The following CRTAC1 variants were observed in gnomAD, a reference collection of about 807,000 sequenced individuals.
CRTAC1 encodes the protein cartilage acidic protein 1.
In CRTAC1, 37 loss-of-function variants were observed where a neutral mutation model predicts 67.8. The observed-to-expected ratio is 0.55, with a 90% CI of 0.42 to 0.72. CRTAC1 has a LOEUF of 0.72. CRTAC1 is among the 30% of genes least tolerant of loss of function. The pLI is 0.00. For synonymous variants in CRTAC1, 348 were observed against 371.0 expected (o/e 0.94, Z 0.71); for missense variants, 780 against 931.6 (o/e 0.84, Z 2.12).
intron 1 of CRTAC1, 29 bp from the exon 2 acceptor site, chr10:98,011,366 A>G (rs766229232): frequency 1.9e-6 from 3 of 1,612,100 alleles, no homozygotes; most frequent in South Asian, 2.2e-5. Context: ...AATGTTACCG[A>G]AAGAACCTGT....
intron 11 of CRTAC1, among the ~76,000 whole-genome samples, chr10:97,887,137 AGACT>A (rs2050297847): frequency 1.3e-5 from 2 of 152,218 alleles, no homozygotes; most frequent in South Asian, 4.1e-4. Flanking sequence ...TGTGTTTTCC[AGACT>A]GACTGAAGGG....
At chr10:97,926,395 G>T (rs541167985) in intron 3 of CRTAC1, among the ~76,000 whole-genome samples, 4 of 152,176 alleles carry the variant, frequency 2.6e-5, no homozygotes, top group African/African-American at 9.7e-5. Context: ...GGAATTACAC[G>T]AGAAATGCAC....
At chr10:97,979,432 G>C (rs950168584) in intron 2 of CRTAC1, among the ~76,000 whole-genome samples, 1 of 152,224 alleles carries the variant, frequency 6.6e-6, no homozygotes, top group Non-Finnish European at 1.5e-5. Context: ...CACCTTAAGG[G>C]CATCAGGCTT....
Position 97,957,030 on chromosome 10 carries a change from G to A in CRTAC1, c.225-20664C>T, listed in dbSNP as rs1013117534. On this transcript the variant is annotated intron_variant, in intron 2 of 14. Coordinates refer to ENST00000370597, the MANE Select transcript of CRTAC1 (RefSeq NM_018058.7). ...ATGGTCTCACTGTATTCCCCAGGCT[G>A]GCCTTGAGCTCCTGGGCTCAGTGAT... Among the ~76,000 whole-genome samples, 8 of 150,650 alleles carry A rather than the reference G, an allele frequency of 5.3e-5. 1 individual carries two copies. The highest frequency in any genetic ancestry group is 1.3e-4 in the Admixed American group (2 of 15,146).
chr10:97,924,749 C>A (rs2050889271), intron 3 of CRTAC1, among the ~76,000 whole-genome samples: 4 of 152,196 alleles, frequency 2.6e-5, no homozygotes, highest in Non-Finnish European at 1.5e-5. Flanking sequence ...AATGATTTTT[C>A]TCATGTTATA....
intron 2 of CRTAC1, among the ~76,000 whole-genome samples, chr10:98,006,219 G>GTGTTTAGA (rs1842786660): frequency 6.6e-6 from 1 of 152,214 alleles, no homozygotes; most frequent in African/African-American, 2.4e-5. Flanking sequence ...TGTAGATTGG[G>GTGTTTAGA]TGTTTAGTTC....
intron 14 of CRTAC1, among the ~76,000 whole-genome samples, chr10:97,873,632 A>G (rs1339644444): frequency 6.6e-6 from 1 of 152,008 alleles, no homozygotes; most frequent in Non-Finnish European, 1.5e-5. Flanking sequence ...ATTTGTGGGG[A>G]GGGTGCATTA....
At chr10:97,935,264 G>A (rs545000608) in intron 3 of CRTAC1, among the ~76,000 whole-genome samples, 2 of 152,226 alleles carry the variant, frequency 1.3e-5, no homozygotes, top group Non-Finnish European at 2.9e-5. Context: ...ACTAATCGAG[G>A]TGTGTGAGGC....
chr10:97,990,997 C>T (rs1009969299), intron 2 of CRTAC1, among the ~76,000 whole-genome samples: 3 of 143,864 alleles, frequency 2.1e-5, no homozygotes, highest in South Asian at 2.2e-4. Flanking sequence ...GGCATGATAG[C>T]TTATACCTGT....
chr10:97,884,433 C>T, intron 11 of CRTAC1, 82 bp from the exon 12 acceptor site: 8 of 1,278,942 alleles, frequency 6.3e-6, no homozygotes, highest in African/African-American at 1.5e-5. Context: ...ACTAATTCAT[C>T]CATTGAATAA....
intron 2 of CRTAC1, among the ~76,000 whole-genome samples, chr10:97,972,233 T>C (rs1002498561): frequency 6.6e-6 from 1 of 152,130 alleles, no homozygotes; most frequent in Non-Finnish European, 1.5e-5. Context: ...GAGAGTACCA[T>C]GAGTCAGGAG....
At chr10:97,917,932 C>A (rs567630662) in intron 4 of CRTAC1, among the ~76,000 whole-genome samples, 6 of 152,324 alleles carry the variant, frequency 3.9e-5, no homozygotes, top group African/African-American at 9.6e-5. Context: ...CCCTCTCCCC[C>A]ACAACCACCT....
chr10:97,875,287 T>C (rs905139080), intron 14 of CRTAC1, among the ~76,000 whole-genome samples: 1 of 152,194 alleles, frequency 6.6e-6, no homozygotes, highest in African/African-American at 2.4e-5. Flanking sequence ...TGGGTGTGAG[T>C]ATTCATGGAG....
At chr10:97,897,068 G>A in intron 8 of CRTAC1, 77 bp from the exon 9 acceptor site, 1 of 1,077,172 alleles carries the variant, frequency 9.3e-7, no homozygotes, top group Non-Finnish European at 1.4e-6. Context: ...GCTCCATTCT[G>A]TCCCCTGAGC....
chr10:97,944,242 A>T lies in CRTAC1; in HGVS notation c.225-7876T>A, dbSNP rs185151363. On this transcript the variant is annotated intron_variant, in intron 2 of 14. Coordinates refer to ENST00000370597, the MANE Select transcript of CRTAC1 (RefSeq NM_018058.7). ...CAGGAGTTCAAGACCAGCCTGGCCA[A>T]CATGGTGAAACCCCATCTCTACTAA... Among the ~76,000 whole-genome samples, 626 of 152,290 alleles carry T rather than the reference A, an allele frequency of 4.1e-3. 3 individuals carry two copies. Among genetic ancestry groups the T allele is most frequent in the African/African-American group, 0.014 (566 of 41,554 alleles).
intron 1 of CRTAC1, among the ~76,000 whole-genome samples, chr10:98,028,355 C>T (rs958378212): frequency 6.6e-6 from 1 of 152,228 alleles, no homozygotes; most frequent in African/African-American, 2.4e-5. Context: ...AGCCAGGTAC[C>T]TTTGGCGCCC....
At chr10:97,974,670 C>G (rs1031384186) in intron 2 of CRTAC1, among the ~76,000 whole-genome samples, 2 of 152,308 alleles carry the variant, frequency 1.3e-5, no homozygotes, top group East Asian at 1.9e-4. Context: ...GGGTCCCCTC[C>G]GCTTCCCCTC....
chr10:97,991,927 G>A (rs140235159), intron 2 of CRTAC1, among the ~76,000 whole-genome samples: 5 of 152,314 alleles, frequency 3.3e-5, no homozygotes, highest in Admixed American at 2.6e-4. Context: ...ACATTGTCTA[G>A]AAAGGAAACT....
intron 2 of CRTAC1, among the ~76,000 whole-genome samples, chr10:97,992,293 T>C (rs926198497): frequency 2.0e-5 from 3 of 152,206 alleles, no homozygotes; most frequent in Non-Finnish European, 4.4e-5. Flanking sequence ...TTCCATACTT[T>C]GCTTTAGCTT....
Sources: gnomAD v4.1 joint callset for allele counts (sites outside exome capture counted in the v4.1 genomes callset) on GRCh38, gnomAD v4.1.1 for gene constraint, MANE v1.5 for transcripts, NCBI Gene and HGNC (gene_info 2026-07-23, HGNC 2026-07-21) for gene names.